Variants in COL25A1 observed in about 807,000 individuals in gnomAD.
COL25A1 encodes the protein collagen type XXV alpha 1 chain, also known as collagen alpha-1(XXV) chain.
A neutral mutation model predicts 128.4 loss-of-function variants in COL25A1; 103 were observed. The observed-to-expected ratio is 0.80, with a 90% CI of 0.68 to 0.94. The LOEUF is 0.94. Among genes scored for constraint, COL25A1 ranks in the 40% least tolerant of loss-of-function variants. The pLI is 0.00. For missense variants in COL25A1, 745 were observed against 840.0 expected (o/e 0.89, Z 1.40); for synonymous variants, 279 against 277.2 (o/e 1.01, Z -0.06).
chr4:108,907,303 C>A lies in COL25A1; in HGVS notation c.781-6131G>T, dbSNP rs560187742. Among the ~76,000 whole-genome samples the A allele has an allele frequency of 1.2e-3, 179 of 152,322 alleles. 2 individuals are homozygous for A. The highest frequency in any genetic ancestry group is 7.7e-3 in the South Asian group (37 of 4,820). On this transcript the variant is annotated intron_variant, in intron 13 of 37. Coordinates refer to ENST00000399132, the MANE Select transcript of COL25A1 (RefSeq NM_198721.4). ...TTACCTAGAGGACTAAAGGCTCCAA[C>A]AATTCATCCTGTGGGTCCAGAGCCT... is the stretch of plus-strand genomic sequence containing the variant.
At chr4:108,930,477 C>A (rs1392758950) in intron 11 of COL25A1, among the ~76,000 whole-genome samples, 1 of 152,170 alleles carries the variant, frequency 6.6e-6, no homozygotes, top group African/African-American at 2.4e-5. Flanking sequence ...GAAGGTAAAC[C>A]ATACCACTGG....
chr4:108,959,553 G>T (rs1287639197), intron 8 of COL25A1, among the ~76,000 whole-genome samples: 1 of 152,128 alleles, frequency 6.6e-6, no homozygotes, highest in East Asian at 1.9e-4. Flanking sequence ...CATATAAGTT[G>T]TGACAGTTTC....
In COL25A1 at chr4:109,069,933, A is replaced by G. The variant is rs966822328; in HGVS notation, c.368-19754T>C. On this transcript the variant is annotated intron_variant, in intron 3 of 37. Transcript: ENST00000399132. Reference sequence around the variant, plus strand: ...TTGAAAATAAAAGCAAGATAACTATATAATAGGAAATTTCAAAAATTAAGA... The same window carrying G: ...TTGAAAATAAAAGCAAGATAACTATGTAATAGGAAATTTCAAAAATTAAGA... Among the ~76,000 whole-genome samples, 3 of 151,774 alleles carry G rather than the reference A, an allele frequency of 2.0e-5. No individual in the cohort carries two copies. In the East Asian group the frequency reaches 5.8e-4, roughly 29 times the overall value.
At chr4:109,077,432 C>A (rs1359376637) in intron 3 of COL25A1, among the ~76,000 whole-genome samples, 1 of 151,550 alleles carries the variant, frequency 6.6e-6, no homozygotes, top group Non-Finnish European at 1.5e-5. Flanking sequence ...TTCCCACCAC[C>A]ACCCCCCCGC....
chr4:108,909,781 C>T (rs370688363), intron 13 of COL25A1, among the ~76,000 whole-genome samples: 5 of 152,304 alleles, frequency 3.3e-5, no homozygotes, highest in South Asian at 2.1e-4. Flanking sequence ...GGAGTATGCA[C>T]GGTCACACAG....
chr4:109,215,717 T>TG (rs1777928918), intron 3 of COL25A1, among the ~76,000 whole-genome samples: 1 of 152,136 alleles, frequency 6.6e-6, no homozygotes, highest in South Asian at 2.1e-4. Context: ...GAAAGTCCCA[T>TG]GAGGGCAGAG....
At position 108,845,263 on chromosome 4, in the gene COL25A1, C is replaced by G; in HGVS notation, c.1516-12G>C. 9 of 1,609,916 alleles carry G rather than the reference C, an allele frequency of 5.6e-6. No individual in the cohort carries two copies. Among genetic ancestry groups the G allele is most frequent in the Non-Finnish European group, 7.7e-6 (9 of 1,176,114 alleles). On this transcript the variant is annotated splice_polypyrimidine_tract_variant and intron_variant, in intron 28 of 37. Coordinates refer to ENST00000399132, the MANE Select transcript of COL25A1 (RefSeq NM_198721.4). ...ATTCCATTGGCTCCCTATAAATAAC[C>G]ATTAAGCAGAGTTAAGCAGGTAAAG...
chr4:109,019,616 T>C (rs979320388), intron 5 of COL25A1, among the ~76,000 whole-genome samples: 2 of 151,474 alleles, frequency 1.3e-5, no homozygotes, highest in Non-Finnish European at 2.9e-5. Context: ...AACCATTGGG[T>C]CTCAACTCAT....
In COL25A1 at chr4:109,013,075, T is replaced by G. The variant is rs183928955; in HGVS notation, c.421-2700A>C. 7.9e-4 allele frequency among the ~76,000 whole-genome samples: 120 copies of G among 152,018 alleles called. 1 individual carries two copies. The highest frequency in any genetic ancestry group is 2.9e-3 in the African/African-American group (119 of 41,452). On this transcript the variant is annotated intron_variant, in intron 5 of 37. Coordinates refer to ENST00000399132, the MANE Select transcript of COL25A1 (RefSeq NM_198721.4). ...TAGCTAATCTGGTAGGGACTTGAACTTTTACGTCTAGCTAAAGGATTGTAA... is the reference window on the plus strand; with the variant it reads ...TAGCTAATCTGGTAGGGACTTGAACGTTTACGTCTAGCTAAAGGATTGTAA...
intron 3 of COL25A1, among the ~76,000 whole-genome samples, chr4:109,294,772 A>G (rs1724817445): frequency 6.6e-6 from 1 of 152,092 alleles, no homozygotes; most frequent in African/African-American, 2.4e-5. Context: ...GACGGTTTCC[A>G]CTCAGGATAA....
chr4:108,920,555 C>T (rs778088501), intron 12 of COL25A1, 23 bp downstream of exon 12: 14 of 1,584,232 alleles, frequency 8.8e-6, no homozygotes, highest in Non-Finnish European at 1.0e-5. Context: ...ATTACTTTCA[C>T]AATATTGTTG....
At chr4:109,042,308 A>G (rs1378473956) in intron 5 of COL25A1, among the ~76,000 whole-genome samples, 1 of 152,132 alleles carries the variant, frequency 6.6e-6, no homozygotes, top group East Asian at 1.9e-4. Context: ...CTATGTACAC[A>G]TTCATAGTCA....
intron 3 of COL25A1, among the ~76,000 whole-genome samples, chr4:109,287,181 T>C (rs376129791): frequency 8.6e-4 from 131 of 152,316 alleles, no homozygotes; most frequent in South Asian, 7.3e-3. Flanking sequence ...TAAAATTGGA[T>C]ACGGTTTGCT....
At chr4:109,239,352 T>A (rs1346253093) in intron 3 of COL25A1, among the ~76,000 whole-genome samples, 1 of 145,488 alleles carries the variant, frequency 6.9e-6, no homozygotes, top group African/African-American at 2.5e-5. Flanking sequence ...TTATATAATG[T>A]AGCTCTATTA....
intron 6 of COL25A1, among the ~76,000 whole-genome samples, chr4:109,003,744 G>A (rs1266420102): frequency 6.6e-6 from 1 of 152,126 alleles, no homozygotes; most frequent in Non-Finnish European, 1.5e-5. Context: ...GGGTTGCAGT[G>A]AGCCAAGATC....
intron 13 of COL25A1, among the ~76,000 whole-genome samples, chr4:108,902,084 T>G (rs1456831306): frequency 6.6e-6 from 1 of 152,042 alleles, no homozygotes; most frequent in Non-Finnish European, 1.5e-5. Context: ...GGTTGATTTT[T>G]AAAAAATAGA....
chr4:108,911,802 G>GTTTT (rs61235488), intron 13 of COL25A1, among the ~76,000 whole-genome samples: 28 of 124,378 alleles, frequency 2.3e-4, no homozygotes, highest in Non-Finnish European at 3.5e-4. Context: ...TTGCTTCGCT[G>GTTTT]TTTTTTTTTT....
In COL25A1 at chr4:109,131,147, TAAA is replaced by T. The variant is rs543674621; in HGVS notation, c.368-80971_368-80969del. On this transcript the variant is annotated intron_variant, in intron 3 of 37. Transcript: ENST00000399132. Reference sequence around the variant, plus strand: ...TCTAAAGAGAAGGTAAAAATAATTTTAAAATCTCATCAGTAATGTTTTTGTTGG... The same window carrying T: ...TCTAAAGAGAAGGTAAAAATAATTTTATCTCATCAGTAATGTTTTTGTTGG... Among the ~76,000 whole-genome samples, 849 of 152,302 alleles carry T rather than the reference TAAA, an allele frequency of 5.6e-3. 3 individuals carry two copies. The highest frequency in any genetic ancestry group is 0.011 in the Admixed American group (162 of 15,304).
chr4:108,845,142 T>A, intron 29 of COL25A1, 47 bp downstream of exon 29: 1 of 1,471,588 alleles, frequency 6.8e-7, no homozygotes, highest in Non-Finnish European at 9.5e-7. Flanking sequence ...CATGTCAGTG[T>A]GTGAGGAGGT....
Sources: allele counts gnomAD v4.1 joint callset (sites outside exome capture counted in the v4.1 genomes callset), GRCh38; gene constraint gnomAD v4.1.1; transcripts MANE v1.5; gene names NCBI Gene and HGNC (gene_info 2026-07-23, HGNC 2026-07-21).